NUMB: variants seen among roughly 807,000 people sequenced by gnomAD.
NUMB encodes the protein protein numb homolog.
A neutral mutation model predicts 59.7 loss-of-function variants in NUMB; 29 were observed. The ratio of observed to expected loss-of-function variants is 0.49; its 90% CI spans 0.36 to 0.66. The LOEUF is 0.66. Among genes scored for constraint, NUMB ranks in the 30% least tolerant of loss-of-function variants. The probability of loss-of-function intolerance (pLI) is 0.00; values close to 1 mark genes in which losing one functional copy is unlikely to be tolerated. For missense variants in NUMB, 723 were observed against 822.0 expected (o/e 0.88, Z 1.47); for synonymous variants, 288 against 288.2 (o/e 1.00, Z 0.01).
intron 4 of NUMB, among the ~76,000 whole-genome samples, chr14:73,339,990 T>TG (rs566136358): frequency 7.4e-6 from 1 of 135,298 alleles, no homozygotes. Flanking sequence ...ATGGAAGTGG[T>TG]GGGGGGGACA....
intron 1 of NUMB, among the ~76,000 whole-genome samples, chr14:73,430,093 T>A (rs901689241): frequency 6.6e-6 from 1 of 151,692 alleles, no homozygotes; most frequent in Non-Finnish European, 1.5e-5. Flanking sequence ...TTCTGGTAAA[T>A]GTACATTTAA....
At chr14:73,449,955 T>A (rs1883809917) in intron 1 of NUMB, among the ~76,000 whole-genome samples, 1 of 152,232 alleles carries the variant, frequency 6.6e-6, no homozygotes, top group African/African-American at 2.4e-5. Flanking sequence ...CCCAAAGTGC[T>A]GGGATTACAG....
chr14:73,433,604 G>A (rs369291106), intron 1 of NUMB, among the ~76,000 whole-genome samples: 4 of 152,132 alleles, frequency 2.6e-5, no homozygotes, highest in South Asian at 2.1e-4. Flanking sequence ...GTAGTTGCTC[G>A]TATTCTAAGA....
chr14:73,309,718 T>TATTATAATA (rs1890660775), intron 6 of NUMB, among the ~76,000 whole-genome samples: 1 of 137,232 alleles, frequency 7.3e-6, no homozygotes, highest in African/African-American at 2.8e-5. Context: ...GAACTTAAGG[T>TATTATAATA]ATAATAATAA....
At position 73,318,890 on chromosome 14, in the gene NUMB, T is replaced by C. The variant is rs148470242; in HGVS notation, c.202-2468A>G. On this transcript the variant is annotated intron_variant, in intron 5 of 12. Transcript: ENST00000555238. ...TATCAAGTATGCAGATGACTTCCAA[T>C]TGAAGTTAATGTAATTCTAAATTGT... Among the ~76,000 whole-genome samples, 897 of 152,360 alleles carry C rather than the reference T, an allele frequency of 5.9e-3. 6 individuals are homozygous for C. Among genetic ancestry groups the C allele is most frequent in the Non-Finnish European group, 9.6e-3 (653 of 68,034 alleles).
At chr14:73,395,626 TAATAA>T (rs2140106550) in intron 2 of NUMB, among the ~76,000 whole-genome samples, 1 of 152,114 alleles carries the variant, frequency 6.6e-6, no homozygotes, top group East Asian at 1.9e-4. Context: ...GTCTGTAAAA[TAATAA>T]AATATTAAAA....
chr14:73,279,222 T>A, intron 12 of NUMB, 59 bp downstream of exon 12: 2 of 1,605,664 alleles, frequency 1.2e-6, no homozygotes, highest in South Asian at 2.2e-5. Flanking sequence ...GGCTGAGTTT[T>A]AGAACCAGGG....
chr14:73,376,832 G>A (rs182969308), intron 2 of NUMB, among the ~76,000 whole-genome samples: 5 of 152,236 alleles, frequency 3.3e-5, no homozygotes, highest in Admixed American at 6.5e-5. Context: ...TGCTATAACT[G>A]TGCCTGTGAA....
At chr14:73,290,893 G>T (rs570979901) in intron 8 of NUMB, among the ~76,000 whole-genome samples, 1 of 152,002 alleles carries the variant, frequency 6.6e-6, no homozygotes, top group Non-Finnish European at 1.5e-5. Flanking sequence ...TCAGATTTTC[G>T]GATTTGAAAT....
intron 1 of NUMB, among the ~76,000 whole-genome samples, chr14:73,439,392 G>A (rs909664087): frequency 3.9e-5 from 6 of 152,134 alleles, no homozygotes; most frequent in Non-Finnish European, 7.4e-5. Flanking sequence ...ACCCAATTTA[G>A]AGTTAAACAT....
chr14:73,326,522 G>C (rs957042221), intron 4 of NUMB, among the ~76,000 whole-genome samples: 2 of 151,976 alleles, frequency 1.3e-5, no homozygotes. Flanking sequence ...AGCTCCTCGG[G>C]AGGCTGAGGC....
intron 6 of NUMB, among the ~76,000 whole-genome samples, chr14:73,299,952 T>G (rs1274745734): frequency 6.6e-6 from 1 of 152,174 alleles, no homozygotes; most frequent in Non-Finnish European, 1.5e-5. Context: ...CTTCCATCTC[T>G]TCATCCGTAA....
At chr14:73,344,487 T>C (rs947395954) in intron 4 of NUMB, among the ~76,000 whole-genome samples, 45 of 152,336 alleles carry the variant, frequency 3.0e-4, no homozygotes, top group African/African-American at 1.1e-3. Flanking sequence ...CCAAAACCAT[T>C]TGGCAAATCA....
chr14:73,352,530 G>GGTTTTT lies in NUMB; in HGVS notation c.126+3095_126+3096insAAAAAC, dbSNP rs1555373807. Among the ~76,000 whole-genome samples, 81 of 20,284 alleles carry GGTTTTT rather than the reference G, an allele frequency of 4.0e-3. 10 individuals are homozygous for GGTTTTT. The highest frequency in any genetic ancestry group is 0.021 in the Admixed American group (21 of 1,012). 13.3% of individuals were successfully genotyped at this position (20,284 alleles called of 152,430 possible). On this transcript the variant is annotated intron_variant, in intron 4 of 12. Coordinates refer to ENST00000555238, the MANE Select transcript of NUMB (RefSeq NM_001005743.2). ...TATATATATATATATATATATATAT[G>GGTTTTT]TTTTTTTTTTTTTTTTTTTTTTGAG...
intron 4 of NUMB, among the ~76,000 whole-genome samples, chr14:73,344,290 A>G (rs892482139): frequency 3.3e-5 from 5 of 152,214 alleles, no homozygotes; most frequent in Non-Finnish European, 5.9e-5. Context: ...TACATTTTAC[A>G]TGGTAGGTCA....
At chr14:73,425,173 T>A (rs1164097299) in intron 1 of NUMB, among the ~76,000 whole-genome samples, 1 of 152,206 alleles carries the variant, frequency 6.6e-6, no homozygotes, top group African/African-American at 2.4e-5. Flanking sequence ...TAAACTGACT[T>A]CTTTGATTCA....
At chr14:73,405,142 C>T (rs1418534382) in intron 2 of NUMB, among the ~76,000 whole-genome samples, 1 of 152,194 alleles carries the variant, frequency 6.6e-6, no homozygotes, top group Non-Finnish European at 1.5e-5. Context: ...TTAACTATAA[C>T]ACTGGGATGG....
rs1158471693 is a variant in NUMB at position 73,323,028 on chromosome 14, A to G, written c.201+102T>C. On this transcript the variant is annotated intron_variant, in intron 5 of 12. Transcript: ENST00000555238. Reference sequence around the variant, plus strand: ...ATTAGCAAGCCCACATCTTTTTAACAGAAACACAGTTTTTACTGGGTCACT... The same window carrying G: ...ATTAGCAAGCCCACATCTTTTTAACGGAAACACAGTTTTTACTGGGTCACT... 1.2e-5 allele frequency: 10 copies of G among 839,288 alleles called. No homozygotes were observed. The East Asian group carries it at 2.4e-4, about 20-fold the overall frequency. 52.0% of individuals were successfully genotyped at this position (839,288 alleles called of 1,614,324 possible).
chr14:73,340,284 C>T (rs1478027005), intron 4 of NUMB, among the ~76,000 whole-genome samples: 1 of 152,148 alleles, frequency 6.6e-6, no homozygotes, highest in Non-Finnish European at 1.5e-5. Flanking sequence ...AGCCCAGTGA[C>T]CTCATGTCCC....
Sources: gnomAD v4.1 joint callset for allele counts (sites outside exome capture counted in the v4.1 genomes callset) on GRCh38, gnomAD v4.1.1 for gene constraint, MANE v1.5 for transcripts, NCBI Gene and HGNC (gene_info 2026-07-23, HGNC 2026-07-21) for gene names.